ZDHHC17: variants seen among roughly 807,000 people sequenced by gnomAD.
ZDHHC17 encodes zDHHC palmitoyltransferase 17, also known as palmitoyltransferase ZDHHC17.
Under a neutral mutation model 90.3 loss-of-function variants are expected in ZDHHC17, and 40 were observed. The observed-to-expected ratio is 0.44, with a 90% CI of 0.34 to 0.58. ZDHHC17 has a LOEUF of 0.58. Ranked by LOEUF, ZDHHC17 falls within the 20% of genes least tolerant of loss-of-function variation. The probability of loss-of-function intolerance (pLI) is 0.01; values close to 1 mark genes in which losing one functional copy is unlikely to be tolerated. For missense variants in ZDHHC17, 614 were observed against 780.8 expected (o/e 0.79, Z 2.55); for synonymous variants, 235 against 252.4 (o/e 0.93, Z 0.65).
At chr12:76,775,337 T>C (rs139932612) in intron 1 of ZDHHC17, among the ~76,000 whole-genome samples, 1,681 of 152,306 alleles carry the variant, frequency 0.011, 11 homozygotes, top group Non-Finnish European at 0.017. Flanking sequence ...TTTTAAGAAA[T>C]GCTATATTTC....
intron 10 of ZDHHC17, among the ~76,000 whole-genome samples, chr12:76,833,409 A>G (rs1953327687): frequency 6.6e-6 from 1 of 152,158 alleles, no homozygotes; most frequent in African/African-American, 2.4e-5. Context: ...TGTATCTTCA[A>G]ATGTCCTTAT....
chr12:76,813,307 C>A (rs1469274416), intron 5 of ZDHHC17: 3 of 438,386 alleles, frequency 6.8e-6, no homozygotes, highest in Admixed American at 2.5e-5. Context: ...TTTTTTTAAG[C>A]CACAGGATTA....
intron 1 of ZDHHC17, among the ~76,000 whole-genome samples, chr12:76,779,206 C>G (rs1565761590): frequency 6.6e-6 from 1 of 152,144 alleles, no homozygotes. Flanking sequence ...GTTTATATAT[C>G]TTAGGCACTA....
intron 12 of ZDHHC17, chr12:76,845,035 A>G (rs577465037): frequency 7.0e-5 from 3 of 42,626 alleles, no homozygotes; most frequent in East Asian, 9.5e-4. Context: ...TGAATAATGA[A>G]TTATATGGGG....
rs763269507 is a variant in ZDHHC17 at position 76,788,688 on chromosome 12, A to ATTTTTTTTTTTTTTTTTTTTTT, written c.94-8741_94-8720dup. On this transcript the variant is annotated intron_variant, in intron 1 of 16. Transcript: ENST00000426126. Reference sequence around the variant, plus strand: ...AAAATATATTTAAGTTGGAATCGCAATTTTTTTTTTTTTTTTTTTTTTTTT... The same window carrying ATTTTTTTTTTTTTTTTTTTTTT: ...AAAATATATTTAAGTTGGAATCGCAATTTTTTTTTTTTTTTTTTTTTTTTTTTTTTTTTTTTTTTTTTTTTTT... Among the ~76,000 whole-genome samples, 18 of 98,646 alleles carry ATTTTTTTTTTTTTTTTTTTTTT rather than the reference A, an allele frequency of 1.8e-4. 1 individual carries two copies. The highest frequency in any genetic ancestry group is 2.4e-4 in the African/African-American group (6 of 25,098). The allele number at this position is 98,646 out of a possible 152,430, so 64.7% of individuals were successfully genotyped here. A position where few individuals can be genotyped will look rare whatever the true frequency, so the allele number is the denominator to read the frequency against.
intron 1 of ZDHHC17, among the ~76,000 whole-genome samples, chr12:76,792,144 G>T (rs1952766143): frequency 6.6e-6 from 1 of 152,050 alleles, no homozygotes. Flanking sequence ...CTAGTCACCA[G>T]CCCCCTCCTG....
At position 76,809,807 on chromosome 12, in the gene ZDHHC17, G is replaced by A; in HGVS notation, c.493G>A (p.Ala165Thr). 1 of 1,610,310 alleles carries A rather than the reference G, an allele frequency of 6.2e-7. No individual in the cohort carries two copies. The highest frequency in any genetic ancestry group is 8.5e-7 in the Non-Finnish European group (1 of 1,178,284). The change falls in exon 5 of 17, where the codon GCT becomes ACT. Residue 165 changes from alanine to threonine, a missense_variant. Coordinates refer to ENST00000426126, the MANE Select transcript of ZDHHC17 (RefSeq NM_015336.4). ...GEGCSCIHLA[A>T]QFGHTSIVAY... is the part of the protein sequence containing the mutation. ...AGGATGTAGCTGTATTCATCTGGCT[G>A]CTCAGTTCGGACATACCTCAATTGT...
chr12:76,811,160 C>T (rs1953014213), intron 5 of ZDHHC17, among the ~76,000 whole-genome samples: 1 of 94,534 alleles, frequency 1.1e-5, no homozygotes, highest in Non-Finnish European at 2.3e-5. Flanking sequence ...TAACAAGGGC[C>T]ATAACCACCC....
intron 1 of ZDHHC17, among the ~76,000 whole-genome samples, chr12:76,767,297 C>T (rs970521406): frequency 6.6e-6 from 1 of 152,144 alleles, no homozygotes; most frequent in African/African-American, 2.4e-5. Context: ...ATTTAATACT[C>T]TCACACAAAA....
chr12:76,790,974 C>T (rs1250026929), intron 1 of ZDHHC17, among the ~76,000 whole-genome samples: 1 of 152,082 alleles, frequency 6.6e-6, no homozygotes, highest in Non-Finnish European at 1.5e-5. Context: ...ATGTTCTCAA[C>T]ACAAAGAAAT....
At position 76,815,128 on chromosome 12, in the gene ZDHHC17, TTC is replaced by T; in HGVS notation, c.544-16_544-15del. On this transcript the variant is annotated splice_polypyrimidine_tract_variant and intron_variant, in intron 5 of 16. Transcript: ENST00000426126. ...TTATAATTTAACTGTCTGACTTTTT[TTC>T]TTTTTACTTTATCAGGATGTAGATA... The T allele has an allele frequency of 6.5e-7, 1 of 1,527,594 alleles. No individual in the cohort carries two copies. Among genetic ancestry groups the T allele is most frequent in the Admixed American group, 2.1e-5 (1 of 47,532 alleles). The allele number at this position is 1,527,594 out of a possible 1,614,324, so 94.6% of individuals were successfully genotyped here.
chr12:76,808,634 A>C lies in ZDHHC17; in HGVS notation c.321-409A>C, dbSNP rs954773745. On this transcript the variant is annotated intron_variant, in intron 3 of 16. Coordinates refer to ENST00000426126, the MANE Select transcript of ZDHHC17 (RefSeq NM_015336.4). ...TGTTATGTGTATATTATTTGATTTA[A>C]TCTACAGTAATCTTAAGGAAAGTAA... Among the ~76,000 whole-genome samples the C allele has an allele frequency of 3.9e-4, 60 of 152,322 alleles. 1 individual carries two copies. The highest frequency in any genetic ancestry group is 1.4e-3 in the African/African-American group (59 of 41,580).
chr12:76,809,867 A>C lies in ZDHHC17; in HGVS notation c.543+10A>C. 6.2e-7 allele frequency: 1 copy of C among 1,607,194 alleles called. No homozygotes were observed. The highest frequency in any genetic ancestry group is 1.1e-5 in the South Asian group (1 of 89,942). Reference sequence around the variant, plus strand: ...CATAGCAAAAGGACAGGTAAAAAAAATCTCAGTGGTATGGATTTTAATCAG... The same window carrying C: ...CATAGCAAAAGGACAGGTAAAAAAACTCTCAGTGGTATGGATTTTAATCAG... On this transcript the variant is annotated intron_variant, in intron 5 of 16. Transcript: ENST00000426126.
chr12:76,793,896 A>AT (rs1235392369), intron 1 of ZDHHC17, among the ~76,000 whole-genome samples: 5 of 151,858 alleles, frequency 3.3e-5, no homozygotes, highest in Non-Finnish European at 7.4e-5. Flanking sequence ...ATTTTATTTT[A>AT]TTTTTTTGAG....
At chr12:76,787,000 C>T (rs1952695391) in intron 1 of ZDHHC17, among the ~76,000 whole-genome samples, 1 of 152,190 alleles carries the variant, frequency 6.6e-6, no homozygotes, top group Non-Finnish European at 1.5e-5. Flanking sequence ...ATTCAAATTA[C>T]ATTTTGGTAA....
chr12:76,831,976 A>G (rs1387897213), intron 10 of ZDHHC17, among the ~76,000 whole-genome samples: 2 of 152,210 alleles, frequency 1.3e-5, no homozygotes, highest in Non-Finnish European at 2.9e-5. Flanking sequence ...GTAGGTGTAA[A>G]TGATACTCAT....
intron 10 of ZDHHC17, among the ~76,000 whole-genome samples, chr12:76,834,011 CT>C (rs1953335430): frequency 6.6e-6 from 1 of 152,022 alleles, no homozygotes; most frequent in South Asian, 2.1e-4. Flanking sequence ...CACTAAAATA[CT>C]TTCCTGCCTT....
At chr12:76,782,518 A>G (rs1040623783) in intron 1 of ZDHHC17, among the ~76,000 whole-genome samples, 1 of 152,196 alleles carries the variant, frequency 6.6e-6, no homozygotes, top group Non-Finnish European at 1.5e-5. Flanking sequence ...GGGCCAGGCA[A>G]ACACTTTAGA....
At chr12:76,791,206 GTTATT>G (rs1364647852) in intron 1 of ZDHHC17, among the ~76,000 whole-genome samples, 11 of 152,222 alleles carry the variant, frequency 7.2e-5, no homozygotes, top group African/African-American at 2.2e-4. Context: ...TTTTTAAAAA[GTTATT>G]TTATGATTTT....
Sources: gnomAD v4.1 joint callset for allele counts (sites outside exome capture counted in the v4.1 genomes callset) on GRCh38, gnomAD v4.1.1 for gene constraint, MANE v1.5 for transcripts, NCBI Gene and HGNC (gene_info 2026-07-23, HGNC 2026-07-21) for gene names.